MLLT3: variants seen among roughly 807,000 people sequenced by gnomAD.
MLLT3 encodes the protein MLLT3 super elongation complex subunit.
MLLT3 carries 4 observed loss-of-function variants against 53.2 expected under a neutral mutation model. That is an observed-to-expected ratio of 0.08 (90% CI 0.04 to 0.17). MLLT3 has a LOEUF of 0.17. Among genes scored for constraint, MLLT3 ranks in the 10% least tolerant of loss-of-function variants. MLLT3 has a pLI of 1.00. For synonymous variants in MLLT3, 283 were observed against 230.6 expected (o/e 1.23, Z -2.06); for missense variants, 569 against 684.0 (o/e 0.83, Z 1.87).
At chr9:20,606,231 A>G (rs1820563389) in intron 2 of MLLT3, among the ~76,000 whole-genome samples, 1 of 152,026 alleles carries the variant, frequency 6.6e-6, no homozygotes, top group Admixed American at 6.6e-5. Flanking sequence ...ACCCATTGAA[A>G]ATAGAACATT....
chr9:20,592,107 A>C (rs1363980171), intron 2 of MLLT3, among the ~76,000 whole-genome samples: 1 of 152,238 alleles, frequency 6.6e-6, no homozygotes, highest in Non-Finnish European at 1.5e-5. Context: ...CCTATGAGTA[A>C]ACATTCTACC....
chr9:20,542,898 A>G (rs1818680186), intron 2 of MLLT3, among the ~76,000 whole-genome samples: 1 of 152,236 alleles, frequency 6.6e-6, no homozygotes, highest in Admixed American at 6.5e-5. Context: ...GAGCTTCTGG[A>G]TAACTTGCTG....
At chr9:20,513,815 C>T (rs1563795522) in intron 2 of MLLT3, among the ~76,000 whole-genome samples, 2 of 152,192 alleles carry the variant, frequency 1.3e-5, no homozygotes, top group Non-Finnish European at 2.9e-5. Flanking sequence ...AAACAAGTTA[C>T]ACCTAGATTC....
At chr9:20,591,356 C>T (rs951876302) in intron 2 of MLLT3, among the ~76,000 whole-genome samples, 4 of 152,118 alleles carry the variant, frequency 2.6e-5, no homozygotes, top group African/African-American at 7.2e-5. Context: ...CAATAGGTCT[C>T]AGATAGTGTG....
chr9:20,437,019 GCCCAAAGACA>G (rs909752130), intron 4 of MLLT3, among the ~76,000 whole-genome samples: 3 of 151,848 alleles, frequency 2.0e-5, no homozygotes, highest in Admixed American at 1.3e-4. Context: ...TTAGTAATGT[GCCCAAAGACA>G]CACAGCTACT....
At chr9:20,361,057 A>C (rs980076927) in intron 7 of MLLT3, among the ~76,000 whole-genome samples, 1 of 152,222 alleles carries the variant, frequency 6.6e-6, no homozygotes, top group African/African-American at 2.4e-5. Flanking sequence ...CCTGTTTCAC[A>C]GACGAGTAAA....
At position 20,346,235 on chromosome 9, in the gene MLLT3, T is replaced by G. The variant is rs916198084; in HGVS notation, c.*208A>C. On this transcript the variant is annotated 3_prime_UTR_variant, in exon 11 of 11. Transcript: ENST00000380338. ...AGAAGAGTGGTCCGCTGAGGCTGGTTTGCTTTAACCTCTCCTTTATCAAGA... is the reference window on the plus strand; with the variant it reads ...AGAAGAGTGGTCCGCTGAGGCTGGTGTGCTTTAACCTCTCCTTTATCAAGA... 4.2e-6 allele frequency: 2 copies of G among 479,506 alleles called. No homozygotes were observed. The highest frequency in any genetic ancestry group is 3.6e-6 in the Non-Finnish European group (1 of 280,688). 29.7% of individuals were successfully genotyped at this position (479,506 alleles called of 1,614,324 possible).
intron 2 of MLLT3, among the ~76,000 whole-genome samples, chr9:20,517,455 CAA>C (rs79900808): frequency 3.0e-4 from 27 of 88,906 alleles, no homozygotes; most frequent in Admixed American, 2.4e-4. Flanking sequence ...GACTCTGTCT[CAA>C]AAAAAAAAAA....
chr9:20,494,080 T>A (rs973396533), intron 2 of MLLT3, among the ~76,000 whole-genome samples: 2 of 152,162 alleles, frequency 1.3e-5, no homozygotes, highest in African/African-American at 2.4e-5. Flanking sequence ...AAGTTTTCAT[T>A]TATTATCCTG....
chr9:20,613,455 T>C (rs1820751202), intron 2 of MLLT3, among the ~76,000 whole-genome samples: 1 of 152,200 alleles, frequency 6.6e-6, no homozygotes, highest in Non-Finnish European at 1.5e-5. Flanking sequence ...TTTTAAAACA[T>C]TAGCTGCATC....
intron 2 of MLLT3, among the ~76,000 whole-genome samples, chr9:20,513,675 A>T (rs1193530324): frequency 6.6e-6 from 1 of 152,268 alleles, no homozygotes; most frequent in African/African-American, 2.4e-5. Context: ...TCAGTCAAGT[A>T]GGCTGTATCT....
chr9:20,602,261 C>T lies in MLLT3; in HGVS notation c.193+18393G>A, dbSNP rs147410480. 2.5e-3 allele frequency among the ~76,000 whole-genome samples: 382 copies of T among 152,190 alleles called. 2 individuals carry two copies. Among genetic ancestry groups the T allele is most frequent in the African/African-American group, 8.8e-3 (367 of 41,526 alleles). On this transcript the variant is annotated intron_variant, in intron 2 of 10. Transcript: ENST00000380338. Reference sequence around the variant, plus strand: ...GCTTTCAGAGAAATTTTCTGATTTACTAAAATAACTTATCCCATGGGAACT... The same window carrying T: ...GCTTTCAGAGAAATTTTCTGATTTATTAAAATAACTTATCCCATGGGAACT...
chr9:20,480,082 T>A (rs1312688963), intron 2 of MLLT3, among the ~76,000 whole-genome samples: 1 of 152,232 alleles, frequency 6.6e-6, no homozygotes, highest in Non-Finnish European at 1.5e-5. Flanking sequence ...AGGTATTCTA[T>A]CTGCTCTCTT....
intron 2 of MLLT3, 100 bp from the exon 3 acceptor site, chr9:20,456,886 G>A (rs747147544): frequency 5.9e-6 from 5 of 845,734 alleles, no homozygotes; most frequent in South Asian, 1.6e-5. Context: ...TAGATCACAC[G>A]CAATTTTCAT....
chr9:20,495,565 G>T (rs1319293699), intron 2 of MLLT3, among the ~76,000 whole-genome samples: 3 of 152,154 alleles, frequency 2.0e-5, no homozygotes, highest in Non-Finnish European at 4.4e-5. Context: ...TAGAAAACGT[G>T]TGTGGCTGAT....
At chr9:20,399,456 A>G (rs146578675) in intron 5 of MLLT3, among the ~76,000 whole-genome samples, 98 of 152,256 alleles carry the variant, frequency 6.4e-4, no homozygotes, top group African/African-American at 2.1e-3. Context: ...ACTGGTCAGG[A>G]GAAAAACACT....
rs762012082 is a variant in MLLT3 at position 20,346,406 on chromosome 9, AAC to A, written c.*35_*36del. 8 of 1,474,912 alleles carry A rather than the reference AAC, an allele frequency of 5.4e-6. No homozygotes were observed. Among genetic ancestry groups the A allele is most frequent in the Non-Finnish European group, 6.3e-6 (7 of 1,110,954 alleles). The allele number at this position is 1,474,912 out of a possible 1,614,324, so 91.4% of individuals were successfully genotyped here. ...AAAAAAAAAAAAACCAAAAAAAAAA[AAC>A]ACAATAGTTCTTGATGCATCCAGTT... On this transcript the variant is annotated 3_prime_UTR_variant, in exon 11 of 11. Coordinates refer to ENST00000380338, the MANE Select transcript of MLLT3 (RefSeq NM_004529.4).
At chr9:20,407,367 G>C (rs1200233451) in intron 5 of MLLT3, among the ~76,000 whole-genome samples, 1 of 152,182 alleles carries the variant, frequency 6.6e-6, no homozygotes, top group East Asian at 1.9e-4. Flanking sequence ...TTTATTTTAA[G>C]TGAGGATGTG....
chr9:20,451,271 T>C (rs1490424341), intron 3 of MLLT3, among the ~76,000 whole-genome samples: 1 of 152,198 alleles, frequency 6.6e-6, no homozygotes, highest in Non-Finnish European at 1.5e-5. Flanking sequence ...TCATTAAATG[T>C]AGTCAAAAGA....
Sources: gnomAD v4.1 joint callset for allele counts (sites outside exome capture counted in the v4.1 genomes callset) on GRCh38, gnomAD v4.1.1 for gene constraint, MANE v1.5 for transcripts, NCBI Gene and HGNC (gene_info 2026-07-23, HGNC 2026-07-21) for gene names.